Variants in CACNA2D3 observed in about 807,000 individuals in gnomAD.
CACNA2D3 encodes voltage-dependent calcium channel subunit alpha-2/delta-3.
CACNA2D3 carries 60 observed loss-of-function variants against 160.6 expected under a neutral mutation model. That is an observed-to-expected ratio of 0.37 (90% CI 0.30 to 0.46). The LOEUF (loss-of-function observed/expected upper bound fraction) is 0.46. CACNA2D3 is among the 20% of genes least tolerant of loss of function. The probability of loss-of-function intolerance (pLI) is 1.00; values close to 1 mark genes in which losing one functional copy is unlikely to be tolerated. For synonymous variants in CACNA2D3, 558 were observed against 492.9 expected (o/e 1.13, Z -1.75); for missense variants, 1,205 against 1,365.0 (o/e 0.88, Z 1.85).
At chr3:54,321,172 T>C (rs1012286283) in intron 3 of CACNA2D3, among the ~76,000 whole-genome samples, 4 of 151,946 alleles carry the variant, frequency 2.6e-5, no homozygotes, top group African/African-American at 9.7e-5. Context: ...ATATAAAAAT[T>C]AGCCGGGTGT....
intron 4 of CACNA2D3, among the ~76,000 whole-genome samples, chr3:54,471,907 A>T (rs1700739092): frequency 6.6e-6 from 1 of 151,228 alleles, no homozygotes. Flanking sequence ...AGGCAGTAAT[A>T]GACTACCAAC....
intron 4 of CACNA2D3, among the ~76,000 whole-genome samples, chr3:54,484,213 T>A (rs1221228713): frequency 6.6e-6 from 1 of 152,064 alleles, no homozygotes; most frequent in African/African-American, 2.4e-5. Context: ...CTACATAACA[T>A]TTTTTTTCAG....
intron 11 of CACNA2D3, among the ~76,000 whole-genome samples, chr3:54,697,019 G>A (rs1335670219): frequency 6.6e-6 from 1 of 152,124 alleles, no homozygotes; most frequent in Admixed American, 6.5e-5. Context: ...ACTCACGCCT[G>A]TAATCCCAGC....
At chr3:54,515,161 C>CGT (rs1195385808) in intron 5 of CACNA2D3, among the ~76,000 whole-genome samples, 26 of 133,366 alleles carry the variant, frequency 1.9e-4, no homozygotes, top group Non-Finnish European at 2.9e-4. Flanking sequence ...TAGTAAAATC[C>CGT]GTGTGTGTGT....
chr3:54,317,873 A>G (rs1339314201), intron 2 of CACNA2D3, among the ~76,000 whole-genome samples: 1 of 152,160 alleles, frequency 6.6e-6, no homozygotes, highest in Non-Finnish European at 1.5e-5. Flanking sequence ...CAGTTTCTCC[A>G]TAACTTACCT....
chr3:54,995,214 T>G (rs1490365511), intron 31 of CACNA2D3, among the ~76,000 whole-genome samples: 10 of 152,138 alleles, frequency 6.6e-5, no homozygotes, highest in African/African-American at 2.4e-4. Flanking sequence ...CCTCAGGTGA[T>G]CCAACTGCCT....
chr3:54,566,423 C>T (rs1261597387), intron 6 of CACNA2D3, among the ~76,000 whole-genome samples: 3 of 152,184 alleles, frequency 2.0e-5, no homozygotes, highest in African/African-American at 7.2e-5. Context: ...GAGGCTTGAC[C>T]AGTTCATCTT....
At chr3:54,203,689 C>T (rs1011575904) in intron 2 of CACNA2D3, among the ~76,000 whole-genome samples, 6 of 152,214 alleles carry the variant, frequency 3.9e-5, no homozygotes, top group South Asian at 2.1e-4. Context: ...GGCCAAACTC[C>T]GTCTCATCCC....
intron 34 of CACNA2D3, among the ~76,000 whole-genome samples, chr3:55,014,357 T>A (rs781136925): frequency 6.6e-6 from 1 of 152,314 alleles, no homozygotes; most frequent in South Asian, 2.1e-4. Flanking sequence ...AAAGAAGGAA[T>A]CAGCCAAACT....
chr3:54,836,472 G>C (rs549872265), intron 14 of CACNA2D3, among the ~76,000 whole-genome samples: 10 of 151,898 alleles, frequency 6.6e-5, no homozygotes, highest in South Asian at 2.1e-4. Context: ...CTGACCTCAT[G>C]ATCTGCCTGC....
chr3:54,460,927 C>T (rs565751347), intron 4 of CACNA2D3, among the ~76,000 whole-genome samples: 38 of 152,172 alleles, frequency 2.5e-4, no homozygotes, highest in African/African-American at 8.0e-4. Flanking sequence ...ATAGATAGCT[C>T]TTATTATTTT....
At chr3:54,747,908 T>C (rs1701785258) in intron 11 of CACNA2D3, among the ~76,000 whole-genome samples, 1 of 152,244 alleles carries the variant, frequency 6.6e-6, no homozygotes, top group Non-Finnish European at 1.5e-5. Context: ...CTTTGCATTA[T>C]TTTCTTTATC....
chr3:54,337,230 C>T (rs1254742624), intron 3 of CACNA2D3, among the ~76,000 whole-genome samples: 3 of 152,184 alleles, frequency 2.0e-5, no homozygotes, highest in Non-Finnish European at 2.9e-5. Flanking sequence ...TAACTGCTTT[C>T]CTTGTACCTG....
intron 11 of CACNA2D3, among the ~76,000 whole-genome samples, chr3:54,647,073 A>T (rs1699666398): frequency 6.6e-6 from 1 of 152,156 alleles, no homozygotes; most frequent in East Asian, 1.9e-4. Flanking sequence ...TTCTGCCAAC[A>T]ATCTAGGTGA....
At chr3:54,509,310 TGTTTGAG>T (rs1559500713) in intron 5 of CACNA2D3, among the ~76,000 whole-genome samples, 3 of 150,130 alleles carry the variant, frequency 2.0e-5, no homozygotes, top group African/African-American at 7.3e-5. Context: ...TGTGTGTGTG[TGTTTGAG>T]AGAGAGGGAG....
intron 27 of CACNA2D3, among the ~76,000 whole-genome samples, chr3:54,911,323 TCTC>T (rs1406082657): frequency 4.4e-5 from 6 of 135,884 alleles, no homozygotes; most frequent in South Asian, 5.6e-4. Context: ...CCTCCCCGCT[TCTC>T]CTCCTCCCCC....
intron 35 of CACNA2D3, among the ~76,000 whole-genome samples, chr3:55,021,902 T>C (rs1271416204): frequency 2.6e-5 from 4 of 151,970 alleles, no homozygotes; most frequent in Non-Finnish European, 5.9e-5. Context: ...TCTATTTTAG[T>C]ATCTGTGGAA....
At chr3:54,128,424 C>T (rs1699641640) in intron 2 of CACNA2D3, among the ~76,000 whole-genome samples, 2 of 152,124 alleles carry the variant, frequency 1.3e-5, no homozygotes, top group South Asian at 4.1e-4. Flanking sequence ...GGGATTCTAG[C>T]CTTCATCAGC....
chr3:54,506,077 G>T (rs765809704), intron 5 of CACNA2D3, among the ~76,000 whole-genome samples: 1 of 152,094 alleles, frequency 6.6e-6, no homozygotes, highest in South Asian at 2.1e-4. Context: ...TCTCAGCCAG[G>T]CAGTGAATCA....
Sources: gnomAD v4.1 joint callset for allele counts (sites outside exome capture counted in the v4.1 genomes callset) on GRCh38, gnomAD v4.1.1 for gene constraint, MANE v1.5 for transcripts, NCBI Gene and HGNC (gene_info 2026-07-23, HGNC 2026-07-21) for gene names.